Variants in LPP observed in about 807,000 individuals in gnomAD.
LPP encodes LIM domain containing preferred translocation partner in lipoma.
In LPP, 38 loss-of-function variants were observed where a neutral mutation model predicts 60.4. The ratio of observed to expected loss-of-function variants is 0.63; its 90% CI spans 0.49 to 0.83. The LOEUF (loss-of-function observed/expected upper bound fraction) is 0.83, where lower values mean the gene tolerates loss of function less well. Among genes scored for constraint, LPP ranks in the 40% least tolerant of loss-of-function variants. LPP has a pLI of 0.00. For synonymous variants in LPP, 328 were observed against 290.8 expected (o/e 1.13, Z -1.30); for missense variants, 902 against 783.6 (o/e 1.15, Z -1.80).
intron 7 of LPP, among the ~76,000 whole-genome samples, chr3:188,654,896 A>T (rs556674250): frequency 6.6e-6 from 1 of 152,356 alleles, no homozygotes; most frequent in African/African-American, 2.4e-5. Flanking sequence ...AAACAATCCT[A>T]ATCATACTAA....
intron 8 of LPP, among the ~76,000 whole-genome samples, chr3:188,753,944 A>G (rs1729176008): frequency 6.6e-6 from 1 of 152,312 alleles, no homozygotes; most frequent in East Asian, 1.9e-4. Context: ...CCTACAGTCC[A>G]GCTTTTAAGA....
intron 6 of LPP, among the ~76,000 whole-genome samples, chr3:188,545,655 C>T (rs1826439607): frequency 1.3e-5 from 2 of 152,090 alleles, no homozygotes; most frequent in Admixed American, 1.3e-4. Flanking sequence ...AGTTGTGTGT[C>T]AGGACCTTAG....
intron 7 of LPP, among the ~76,000 whole-genome samples, chr3:188,622,007 A>G (rs1454713172): frequency 6.6e-6 from 1 of 152,168 alleles, no homozygotes; most frequent in Admixed American, 6.6e-5. Context: ...AAAGTCAGGG[A>G]TGGCATGGGC....
At chr3:188,715,235 G>A (rs1713354657) in intron 8 of LPP, among the ~76,000 whole-genome samples, 1 of 151,838 alleles carries the variant, frequency 6.6e-6, no homozygotes, top group African/African-American at 2.4e-5. Flanking sequence ...AAAATCAGCT[G>A]GGCATGGTGG....
intron 4 of LPP, among the ~76,000 whole-genome samples, chr3:188,417,378 T>G (rs1015705931): frequency 1.3e-5 from 2 of 151,820 alleles, no homozygotes; most frequent in South Asian, 4.2e-4. Context: ...TGTTGGAGAA[T>G]GAGTTAGTTG....
chr3:188,392,585 C>T (rs1779966948), intron 3 of LPP, among the ~76,000 whole-genome samples: 1 of 152,158 alleles, frequency 6.6e-6, no homozygotes, highest in African/African-American at 2.4e-5. Flanking sequence ...GTTTTCCCTA[C>T]ATTTCATGCA....
intron 7 of LPP, among the ~76,000 whole-genome samples, chr3:188,674,237 T>G (rs1412197407): frequency 6.6e-6 from 1 of 152,216 alleles, no homozygotes; most frequent in Non-Finnish European, 1.5e-5. Flanking sequence ...GGAAGCTTTA[T>G]ATCTCAAAAG....
intron 4 of LPP, among the ~76,000 whole-genome samples, chr3:188,437,394 C>T (rs1287795106): frequency 6.6e-6 from 1 of 152,138 alleles, no homozygotes; most frequent in Non-Finnish European, 1.5e-5. Flanking sequence ...TCACATAAAT[C>T]CTTCTTGGAT....
intron 6 of LPP, among the ~76,000 whole-genome samples, chr3:188,545,814 T>C (rs11709123): frequency 0.52 from 79,605 of 151,836 alleles, 21,400 homozygotes; most frequent in East Asian, 0.92. Context: ...GTGTCCTTTC[T>C]ACTATACACT....
intron 7 of LPP, among the ~76,000 whole-genome samples, chr3:188,635,045 TA>T (rs1848477558): frequency 6.6e-6 from 1 of 152,148 alleles, no homozygotes; most frequent in African/African-American, 2.4e-5. Flanking sequence ...TCCATCTCCC[TA>T]ATGTGGGACA....
intron 7 of LPP, among the ~76,000 whole-genome samples, chr3:188,696,987 T>C (rs2149532606): frequency 6.6e-6 from 1 of 152,316 alleles, no homozygotes; most frequent in East Asian, 1.9e-4. Context: ...CCCTTGACTT[T>C]TTTCTCTTCT....
At chr3:188,195,778 T>G (rs1216337988) in intron 1 of LPP, among the ~76,000 whole-genome samples, 1 of 152,248 alleles carries the variant, frequency 6.6e-6, no homozygotes, top group Non-Finnish European at 1.5e-5. Context: ...TCTCCTATGA[T>G]TTCCTGCTTT....
intron 7 of LPP, among the ~76,000 whole-genome samples, chr3:188,654,580 T>C (rs1241306316): frequency 1.3e-5 from 2 of 152,138 alleles, no homozygotes; most frequent in East Asian, 3.9e-4. Context: ...TCCACATATC[T>C]CCACAAATCA....
intron 6 of LPP, among the ~76,000 whole-genome samples, chr3:188,555,692 T>A (rs1829302772): frequency 6.6e-6 from 1 of 152,110 alleles, no homozygotes; most frequent in Admixed American, 6.6e-5. Flanking sequence ...TCTGTTTTTG[T>A]TGTTTAGAAG....
At chr3:188,584,563 G>GTGTA (rs1836998283) in intron 6 of LPP, 1 of 151,526 alleles carries the variant, frequency 6.6e-6, no homozygotes, top group South Asian at 2.1e-4. Context: ...GTGTGTGTGT[G>GTGTA]TGTGTGTGTG....
At chr3:188,784,082 G>A (rs12053916) in intron 9 of LPP, among the ~76,000 whole-genome samples, 14 of 150,062 alleles carry the variant, frequency 9.3e-5, no homozygotes, top group South Asian at 2.1e-4. Context: ...CCCCTTCCAC[G>A]CTTCCCCCCA....
intron 9 of LPP, among the ~76,000 whole-genome samples, chr3:188,781,910 T>G (rs7650096): frequency 5.2e-5 from 3 of 57,686 alleles, no homozygotes; most frequent in Non-Finnish European, 1.4e-4. Context: ...AAAAAAAAAA[T>G]CTATCACCCC....
At chr3:188,874,206 C>T in intron 11 of LPP, 145 bp from the exon 12 acceptor site, 1 of 607,044 alleles carries the variant, frequency 1.6e-6, no homozygotes, top group Non-Finnish European at 2.8e-6. Context: ...AGAAAGGATA[C>T]AGGGGATTAG....
chr3:188,346,443 T>A (rs1433549882), intron 3 of LPP, among the ~76,000 whole-genome samples: 2 of 150,118 alleles, frequency 1.3e-5, no homozygotes, highest in Non-Finnish European at 3.0e-5. Context: ...TTTTTTTTTT[T>A]AAGTAGAGAT....
Sources: allele counts gnomAD v4.1 joint callset (sites outside exome capture counted in the v4.1 genomes callset), GRCh38; gene constraint gnomAD v4.1.1; transcripts MANE v1.5; gene names NCBI Gene and HGNC (gene_info 2026-07-23, HGNC 2026-07-21).